NKAIN2: variants seen among roughly 807,000 people sequenced by gnomAD.
NKAIN2 encodes the protein sodium/potassium transporting ATPase interacting 2.
In NKAIN2, 14 loss-of-function variants were observed where a neutral mutation model predicts 32.6. The ratio of observed to expected loss-of-function variants is 0.43; its 90% CI spans 0.28 to 0.67. The LOEUF is 0.67. Among genes scored for constraint, NKAIN2 ranks in the 30% least tolerant of loss-of-function variants. The probability of loss-of-function intolerance (pLI) is 0.17; values close to 1 mark genes in which losing one functional copy is unlikely to be tolerated. For synonymous variants in NKAIN2, 80 were observed against 87.2 expected (o/e 0.92, Z 0.46); for missense variants, 198 against 258.3 (o/e 0.77, Z 1.60).
chr6:124,804,774 C>T lies in NKAIN2; in HGVS notation c.535+13375C>T, dbSNP rs1034320084. Among the ~76,000 whole-genome samples, 20 of 152,324 alleles carry T rather than the reference C, an allele frequency of 1.3e-4. 1 individual carries two copies. Among genetic ancestry groups the T allele is most frequent in the Admixed American group, 9.8e-4 (15 of 15,308 alleles). ...GGGTGACAGACGGCACCTGGAAAAT[C>T]GGATCACTCCCACCCGAATACTGCA... On this transcript the variant is annotated intron_variant, in intron 5 of 6. Coordinates refer to ENST00000368417, the MANE Select transcript of NKAIN2 (RefSeq NM_001040214.3).
intron 1 of NKAIN2, among the ~76,000 whole-genome samples, chr6:123,977,475 A>AG (rs1295071667): frequency 6.6e-6 from 1 of 152,154 alleles, no homozygotes; most frequent in Non-Finnish European, 1.5e-5. Context: ...TAAAATGTAA[A>AG]GCTTACATTT....
chr6:124,298,594 C>T (rs1418959210), intron 2 of NKAIN2, among the ~76,000 whole-genome samples: 2 of 152,138 alleles, frequency 1.3e-5, no homozygotes, highest in African/African-American at 4.8e-5. Flanking sequence ...TGTCTACACT[C>T]AGGCATAGAT....
intron 1 of NKAIN2, among the ~76,000 whole-genome samples, chr6:123,989,906 ATTAG>A (rs1365217615): frequency 5.9e-5 from 9 of 152,200 alleles, no homozygotes; most frequent in Admixed American, 5.2e-4. Flanking sequence ...CATGGAATGT[ATTAG>A]TTCATTCTCA....
chr6:124,592,394 A>G (rs906341612), intron 3 of NKAIN2, among the ~76,000 whole-genome samples: 3 of 152,142 alleles, frequency 2.0e-5, no homozygotes, highest in Non-Finnish European at 2.9e-5. Flanking sequence ...GTCATCAGGA[A>G]ATGAAAGAAT....
chr6:123,961,069 T>A (rs1777824407), intron 1 of NKAIN2, among the ~76,000 whole-genome samples: 1 of 152,184 alleles, frequency 6.6e-6, no homozygotes, highest in African/African-American at 2.4e-5. Context: ...GAGATGCCTA[T>A]GTGTGTCTTT....
intron 1 of NKAIN2, among the ~76,000 whole-genome samples, chr6:124,237,180 T>C (rs569243957): frequency 6.6e-5 from 10 of 152,242 alleles, no homozygotes; most frequent in African/African-American, 1.9e-4. Context: ...GAAGCAGATA[T>C]AAATCTAGTA....
intron 3 of NKAIN2, among the ~76,000 whole-genome samples, chr6:124,421,090 A>AC (rs1309004177): frequency 5.9e-5 from 9 of 151,612 alleles, no homozygotes; most frequent in Admixed American, 3.3e-4. Context: ...AAAAAAAAAA[A>AC]AAAACATGTT....
At chr6:124,421,921 A>G (rs554155279) in intron 3 of NKAIN2, among the ~76,000 whole-genome samples, 15 of 152,116 alleles carry the variant, frequency 9.9e-5, no homozygotes, top group South Asian at 2.1e-4. Context: ...CTGTTTCTCA[A>G]TTGCCTTCTG....
intron 3 of NKAIN2, among the ~76,000 whole-genome samples, chr6:124,438,322 A>AG (rs908202585): frequency 6.6e-6 from 1 of 152,108 alleles, no homozygotes; most frequent in African/African-American, 2.4e-5. Context: ...TTTAGAAAAG[A>AG]GGGGACAGGC....
In NKAIN2 at chr6:124,247,426, G is replaced by A. The variant is rs73563737; in HGVS notation, c.55-35579G>A. Among the ~76,000 whole-genome samples the A allele has an allele frequency of 4.2e-3, 645 of 152,122 alleles. 6 individuals carry two copies. The highest frequency in any genetic ancestry group is 0.014 in the African/African-American group (584 of 41,522). On this transcript the variant is annotated intron_variant, in intron 1 of 6. Coordinates refer to ENST00000368417, the MANE Select transcript of NKAIN2 (RefSeq NM_001040214.3). ...GAAAAAGCTATTTTATTTCTTTTCC[G>A]CAATTTCTACTCAACGTCATAAACT...
intron 3 of NKAIN2, among the ~76,000 whole-genome samples, chr6:124,469,056 C>T (rs1776872074): frequency 6.6e-6 from 1 of 152,106 alleles, no homozygotes; most frequent in Admixed American, 6.6e-5. Context: ...CTCCAGAGAC[C>T]CATATTCCCA....
intron 1 of NKAIN2, among the ~76,000 whole-genome samples, chr6:123,833,174 AGTT>A (rs1774458085): frequency 6.6e-6 from 1 of 152,156 alleles, no homozygotes; most frequent in Admixed American, 6.5e-5. Context: ...CTGGATGTCC[AGTT>A]GTTCTACCAT....
At chr6:124,765,185 T>C (rs1309891824) in intron 4 of NKAIN2, among the ~76,000 whole-genome samples, 3 of 152,212 alleles carry the variant, frequency 2.0e-5, no homozygotes, top group African/African-American at 7.2e-5. Context: ...TGAAATGACC[T>C]GTGAATAGAA....
chr6:124,024,344 A>T (rs1781008785), intron 1 of NKAIN2, among the ~76,000 whole-genome samples: 3 of 152,164 alleles, frequency 2.0e-5, no homozygotes, highest in Non-Finnish European at 4.4e-5. Flanking sequence ...TTAGAAAAGG[A>T]TTTGTAATGA....
At chr6:124,296,757 A>G (rs1435600237) in intron 2 of NKAIN2, among the ~76,000 whole-genome samples, 3 of 152,182 alleles carry the variant, frequency 2.0e-5, no homozygotes. Flanking sequence ...TTTCCCAGAG[A>G]TATTAGGAGC....
chr6:124,213,111 T>C (rs890380178), intron 1 of NKAIN2, among the ~76,000 whole-genome samples: 8 of 152,170 alleles, frequency 5.3e-5, no homozygotes, highest in Non-Finnish European at 1.0e-4. Context: ...GAATATCCTA[T>C]AGGAGATGTT....
chr6:124,624,105 AC>A (rs1431342793), intron 3 of NKAIN2, among the ~76,000 whole-genome samples: 1 of 152,192 alleles, frequency 6.6e-6, no homozygotes, highest in Non-Finnish European at 1.5e-5. Context: ...ACTCATGCCC[AC>A]TTACATGCTC....
At chr6:124,087,964 G>A (rs1013268854) in intron 1 of NKAIN2, among the ~76,000 whole-genome samples, 2 of 151,954 alleles carry the variant, frequency 1.3e-5, no homozygotes, top group Admixed American at 6.6e-5. Flanking sequence ...TGTAGCTTAA[G>A]GATTTACTAC....
intron 1 of NKAIN2, among the ~76,000 whole-genome samples, chr6:124,141,866 T>C (rs1313463847): frequency 6.6e-6 from 1 of 152,190 alleles, no homozygotes; most frequent in East Asian, 1.9e-4. Flanking sequence ...GATCTTGAAT[T>C]GCAACCAGTT....
Sources: allele counts gnomAD v4.1 joint callset (sites outside exome capture counted in the v4.1 genomes callset), GRCh38; gene constraint gnomAD v4.1.1; transcripts MANE v1.5; gene names NCBI Gene and HGNC (gene_info 2026-07-23, HGNC 2026-07-21).